CAMTA1: variants seen among roughly 807,000 people sequenced by gnomAD.
CAMTA1 encodes the protein calmodulin binding transcription activator 1, also known as calmodulin-binding transcription activator 1.
CAMTA1 carries 27 observed loss-of-function variants against 170.9 expected under a neutral mutation model. The observed-to-expected ratio is 0.16, with a 90% CI of 0.12 to 0.22. The LOEUF (loss-of-function observed/expected upper bound fraction) is 0.22, where lower values mean the gene tolerates loss of function less well. Among genes scored for constraint, CAMTA1 ranks in the 10% least tolerant of loss-of-function variants. The pLI is 1.00. For synonymous variants in CAMTA1, 833 were observed against 891.5 expected (o/e 0.93, Z 1.17); for missense variants, 1,619 against 2,217.2 (o/e 0.73, Z 5.42).
chr1:7,416,293 CT>C (rs2091167224), intron 5 of CAMTA1, among the ~76,000 whole-genome samples: 1 of 151,948 alleles, frequency 6.6e-6, no homozygotes, highest in Non-Finnish European at 1.5e-5. Flanking sequence ...TTTCCTGAAT[CT>C]GAATGTTGGC....
chr1:7,208,080 C>A (rs1349601616), intron 4 of CAMTA1, among the ~76,000 whole-genome samples: 1 of 152,276 alleles, frequency 6.6e-6, no homozygotes, highest in Non-Finnish European at 1.5e-5. Flanking sequence ...TTGTGGCCAA[C>A]AGCACACCCT....
In CAMTA1 at chr1:7,200,452, A is replaced by T. The variant is rs139212268; in HGVS notation, c.303-49039A>T. ...ATGTTCTTTATAGCAAATGAAAAAC[A>T]AATGGTTGTTTGAGTTTTGGTCCTG... On this transcript the variant is annotated intron_variant, in intron 4 of 22. Transcript: ENST00000303635. Among the ~76,000 whole-genome samples the T allele has an allele frequency of 3.1e-3, 477 of 152,340 alleles. 3 individuals are homozygous for T. Among genetic ancestry groups the T allele is most frequent in the African/African-American group, 0.011 (453 of 41,570 alleles).
intron 6 of CAMTA1, among the ~76,000 whole-genome samples, chr1:7,566,011 A>T (rs1244182433): frequency 1.3e-5 from 2 of 152,160 alleles, no homozygotes; most frequent in Admixed American, 1.3e-4. Context: ...CCATGGCTTC[A>T]TTGAACCTTA....
At chr1:7,498,884 A>T (rs2093899043) in intron 6 of CAMTA1, among the ~76,000 whole-genome samples, 1 of 130,464 alleles carries the variant, frequency 7.7e-6, no homozygotes, top group African/African-American at 3.1e-5. Flanking sequence ...GAGTGTGTAG[A>T]GAGGATGGTG....
At chr1:7,154,151 G>C (rs1646734324) in intron 4 of CAMTA1, among the ~76,000 whole-genome samples, 1 of 152,178 alleles carries the variant, frequency 6.6e-6, no homozygotes, top group Non-Finnish European at 1.5e-5. Flanking sequence ...CCTAGTAGGA[G>C]ACAGCAGATC....
rs150663288 is a variant in CAMTA1 at position 7,154,511 on chromosome 1, C to G, written c.302+63140C>G. On this transcript the variant is annotated intron_variant, in intron 4 of 22. Transcript: ENST00000303635. Reference sequence around the variant, plus strand: ...AGATCTTTCACTGCTGTCCACATCCCTTTCTGGCAGGAGAGGATCTGAGAA... The same window carrying G: ...AGATCTTTCACTGCTGTCCACATCCGTTTCTGGCAGGAGAGGATCTGAGAA... Among the ~76,000 whole-genome samples, 8 of 152,324 alleles carry G rather than the reference C, an allele frequency of 5.3e-5. No individual in the cohort carries two copies. In the East Asian group the frequency reaches 1.4e-3, roughly 26 times the overall value.
intron 6 of CAMTA1, among the ~76,000 whole-genome samples, chr1:7,505,875 C>G (rs1191073685): frequency 2.0e-5 from 3 of 152,198 alleles, no homozygotes; most frequent in Non-Finnish European, 4.4e-5. Context: ...GCGGGCACAG[C>G]TGACCTGTGG....
chr1:7,026,861 C>A (rs760010240), intron 3 of CAMTA1, among the ~76,000 whole-genome samples: 22 of 152,158 alleles, frequency 1.4e-4, no homozygotes, highest in Non-Finnish European at 2.9e-4. Context: ...ATCCCCTGAC[C>A]TCATGATCCA....
At chr1:7,684,113 G>A (rs1263083605) in intron 11 of CAMTA1, among the ~76,000 whole-genome samples, 2 of 152,230 alleles carry the variant, frequency 1.3e-5, no homozygotes, top group African/African-American at 4.8e-5. Flanking sequence ...GTGGCAAATG[G>A]TGCCCTGCGG....
intron 18 of CAMTA1, among the ~76,000 whole-genome samples, chr1:7,747,193 C>T (rs2096863132): frequency 6.6e-6 from 1 of 152,136 alleles, no homozygotes; most frequent in Non-Finnish European, 1.5e-5. Context: ...AGGTCGTGAC[C>T]TAAAGCAGGG....
At chr1:6,830,130 G>A (rs1289062098) in intron 3 of CAMTA1, among the ~76,000 whole-genome samples, 1 of 151,300 alleles carries the variant, frequency 6.6e-6, no homozygotes, top group Non-Finnish European at 1.5e-5. Flanking sequence ...TCCGCCTCCC[G>A]GGTTCACGCC....
In CAMTA1 at chr1:7,707,187, G is replaced by A. The variant is rs549525088; in HGVS notation, c.2915-25261G>A. Among the ~76,000 whole-genome samples, 3 of 152,132 alleles carry A rather than the reference G, an allele frequency of 2.0e-5. No homozygotes were observed. In the South Asian group the frequency reaches 6.2e-4, roughly 32 times the overall value. On this transcript the variant is annotated intron_variant, in intron 11 of 22. Transcript: ENST00000303635. ...GCGTGAGCCACCGTGCCTGGCCCAG[G>A]CTTTTCTTTAGTCTTCTATTTAGGA...
At chr1:6,945,053 A>C (rs538804296) in intron 3 of CAMTA1, among the ~76,000 whole-genome samples, 3 of 152,120 alleles carry the variant, frequency 2.0e-5, no homozygotes, top group African/African-American at 7.2e-5. Flanking sequence ...TCTGGCTCCT[A>C]CTCTGAGAGG....
At chr1:7,257,378 C>A (rs1049669048) in intron 5 of CAMTA1, among the ~76,000 whole-genome samples, 2 of 152,182 alleles carry the variant, frequency 1.3e-5, no homozygotes, top group Non-Finnish European at 2.9e-5. Context: ...GGGAGTTGGT[C>A]CCCAAACACA....
chr1:7,399,402 A>G (rs886718463), intron 5 of CAMTA1, among the ~76,000 whole-genome samples: 1 of 152,224 alleles, frequency 6.6e-6, no homozygotes, highest in Admixed American at 6.5e-5. Context: ...CTGTAGAACC[A>G]TGAGCTAAAT....
At chr1:7,422,985 G>GAA (rs2091661366) in intron 5 of CAMTA1, among the ~76,000 whole-genome samples, 1 of 152,252 alleles carries the variant, frequency 6.6e-6, no homozygotes, top group Admixed American at 6.5e-5. Flanking sequence ...TAGATTAATG[G>GAA]CAGTGCCATT....
intron 3 of CAMTA1, among the ~76,000 whole-genome samples, chr1:6,975,566 C>G (rs188781898): frequency 4.0e-4 from 61 of 152,214 alleles, no homozygotes; most frequent in Non-Finnish European, 6.5e-4. Flanking sequence ...AATGCAATGA[C>G]AGTTGTTCAA....
intron 6 of CAMTA1, among the ~76,000 whole-genome samples, chr1:7,638,971 G>A (rs1463120062): frequency 6.6e-6 from 1 of 152,056 alleles, no homozygotes; most frequent in Non-Finnish European, 1.5e-5. Context: ...GAACTGATTT[G>A]AGACAAACTG....
chr1:6,909,315 C>G (rs941307836), intron 3 of CAMTA1, among the ~76,000 whole-genome samples: 7 of 152,218 alleles, frequency 4.6e-5, no homozygotes, highest in African/African-American at 1.4e-4. Flanking sequence ...TGAATTACTT[C>G]CGAATACTTG....
Sources: allele counts gnomAD v4.1 joint callset (sites outside exome capture counted in the v4.1 genomes callset), GRCh38; gene constraint gnomAD v4.1.1; transcripts MANE v1.5; gene names NCBI Gene and HGNC (gene_info 2026-07-23, HGNC 2026-07-21).